Variants in EIF3H observed in about 807,000 individuals in gnomAD.
The protein encoded by EIF3H is eukaryotic translation initiation factor 3 subunit H, also known as eIF-3-gamma.
EIF3H carries 26 observed loss-of-function variants against 44.2 expected under a neutral mutation model. The observed-to-expected ratio is 0.59, with a 90% CI of 0.43 to 0.82. The LOEUF (loss-of-function observed/expected upper bound fraction) is 0.82, where lower values mean the gene tolerates loss of function less well. Ranked by LOEUF, EIF3H falls within the 40% of genes least tolerant of loss-of-function variation. The pLI, the probability that EIF3H is intolerant of heterozygous loss-of-function variation, is 0.00. For synonymous variants in EIF3H, 166 were observed against 151.9 expected (o/e 1.09, Z -0.68); for missense variants, 359 against 432.8 (o/e 0.83, Z 1.51).
intron 1 of EIF3H, among the ~76,000 whole-genome samples, chr8:116,729,110 A>G (rs1257089399): frequency 6.6e-6 from 1 of 152,232 alleles, no homozygotes; most frequent in East Asian, 1.9e-4. Flanking sequence ...TAGGTTACCT[A>G]GATTCCTTTA....
rs528753672 is a variant in EIF3H at position 116,690,653 on chromosome 8, A to G, written c.290-31673T>C. On this transcript the variant is annotated intron_variant, in intron 2 of 7. Transcript: ENST00000521861. ...GCACAGAATGTACTAATCCTTGTAG[A>G]CTGCTATAACATTACTTTGATCCTA... Among the ~76,000 whole-genome samples, 11 of 152,324 alleles carry G rather than the reference A, an allele frequency of 7.2e-5. No homozygotes were observed. The South Asian group carries it at 2.3e-3, about 32-fold the overall frequency.
intron 2 of EIF3H, among the ~76,000 whole-genome samples, chr8:116,711,151 T>C (rs1356808801): frequency 6.6e-6 from 1 of 152,116 alleles, no homozygotes; most frequent in Non-Finnish European, 1.5e-5. Context: ...TAGACAGAAA[T>C]GTAAATCTGG....
At position 116,752,782 on chromosome 8, in the gene EIF3H, AGGGAG is replaced by A. The variant is rs1563663215; in HGVS notation, c.132+2879_132+2883del. On this transcript the variant is annotated intron_variant, in intron 1 of 7. Transcript: ENST00000521861. ...GAGGGAGGGAGGGAGGGAGGGAGGG[AGGGAG>A]GGAGGGAGGGAAGGAAGGAAGGAAG... Among the ~76,000 whole-genome samples, 436 of 60,078 alleles carry A rather than the reference AGGGAG, an allele frequency of 7.3e-3. 19 individuals carry two copies. Among genetic ancestry groups the A allele is most frequent in the African/African-American group, 0.02 (367 of 18,404 alleles). The allele number at this position is 60,078 out of a possible 152,430, so 39.4% of individuals were successfully genotyped here.
intron 2 of EIF3H, among the ~76,000 whole-genome samples, chr8:116,682,724 CT>C (rs1586454149): frequency 6.6e-6 from 1 of 152,266 alleles, no homozygotes; most frequent in East Asian, 1.9e-4. Context: ...GCTACTTAAG[CT>C]GAGAATGTTT....
intron 2 of EIF3H, among the ~76,000 whole-genome samples, chr8:116,680,797 TGC>T (rs1813971808): frequency 7.0e-6 from 1 of 143,794 alleles, no homozygotes; most frequent in South Asian, 2.3e-4. Flanking sequence ...AATCCCCCTC[TGC>T]GAGAAACACC....
intron 1 of EIF3H, among the ~76,000 whole-genome samples, chr8:116,749,561 C>T (rs772413895): frequency 4.6e-5 from 7 of 152,126 alleles, no homozygotes; most frequent in Non-Finnish European, 8.8e-5. Flanking sequence ...AAAAGTTTAA[C>T]GGGAAGAATT....
chr8:116,722,980 C>G, intron 2 of EIF3H, among the ~76,000 whole-genome samples: 1 of 152,270 alleles, frequency 6.6e-6, no homozygotes, highest in East Asian at 1.9e-4. Context: ...AATTCAAGTA[C>G]TTCAAGCTCG....
At chr8:116,730,572 C>T (rs1000324753) in intron 1 of EIF3H, among the ~76,000 whole-genome samples, 13 of 152,158 alleles carry the variant, frequency 8.5e-5, no homozygotes, top group African/African-American at 2.4e-4. Flanking sequence ...AAATGACATA[C>T]ATACTTCTGC....
intron 1 of EIF3H, among the ~76,000 whole-genome samples, chr8:116,730,787 A>T (rs936174609): frequency 9.2e-5 from 14 of 152,206 alleles, no homozygotes; most frequent in African/African-American, 3.4e-4. Flanking sequence ...CTCAAAATAT[A>T]TTTTGCTGAA....
chr8:116,688,846 A>G (rs930032141), intron 2 of EIF3H, among the ~76,000 whole-genome samples: 2 of 152,210 alleles, frequency 1.3e-5, no homozygotes, highest in African/African-American at 4.8e-5. Flanking sequence ...CTTGATTTAA[A>G]AAATAATAGA....
At chr8:116,687,413 T>C (rs1213368639) in intron 2 of EIF3H, among the ~76,000 whole-genome samples, 1 of 152,170 alleles carries the variant, frequency 6.6e-6, no homozygotes, top group Non-Finnish European at 1.5e-5. Flanking sequence ...CTGAAACTTT[T>C]GGAGCTTCAG....
At chr8:116,752,934 C>G (rs1036228715) in intron 1 of EIF3H, among the ~76,000 whole-genome samples, 5 of 151,912 alleles carry the variant, frequency 3.3e-5, no homozygotes, top group African/African-American at 1.2e-4. Flanking sequence ...TACCTATCAT[C>G]CATGTGGAGA....
At chr8:116,646,987 C>T (rs559823316) in intron 6 of EIF3H, among the ~76,000 whole-genome samples, 13 of 152,126 alleles carry the variant, frequency 8.5e-5, no homozygotes, top group Non-Finnish European at 1.6e-4. Flanking sequence ...TAATGAACTA[C>T]CACACTGGAA....
intron 1 of EIF3H, among the ~76,000 whole-genome samples, chr8:116,747,064 G>A (rs904558684): frequency 4.1e-5 from 6 of 147,352 alleles, no homozygotes; most frequent in African/African-American, 1.5e-4. Flanking sequence ...ATGTTTTTTT[G>A]TTTTTTTGTT....
chr8:116,660,769 TGATACCAGACACCAGACACCA>T (rs965360517), intron 2 of EIF3H, among the ~76,000 whole-genome samples: 9 of 152,132 alleles, frequency 5.9e-5, no homozygotes, highest in Admixed American at 1.3e-4. Context: ...GGGGAGAAGG[TGATACCAGACACCAGACACCA>T]GATACCAGAC....
intron 1 of EIF3H, among the ~76,000 whole-genome samples, chr8:116,735,281 G>C (rs984815551): frequency 6.6e-6 from 1 of 152,148 alleles, no homozygotes; most frequent in Non-Finnish European, 1.5e-5. Flanking sequence ...GCTGAGCCAC[G>C]AAAGTAGAAA....
chr8:116,674,665 C>CT (rs1303461230), intron 2 of EIF3H, among the ~76,000 whole-genome samples: 1 of 152,088 alleles, frequency 6.6e-6, no homozygotes, highest in Non-Finnish European at 1.5e-5. Context: ...AAAATAAGTG[C>CT]TTTTGTGTAT....
intron 1 of EIF3H, among the ~76,000 whole-genome samples, chr8:116,740,097 T>C (rs1325691002): frequency 6.6e-6 from 1 of 152,266 alleles, no homozygotes; most frequent in Non-Finnish European, 1.5e-5. Flanking sequence ...GTGTTTATAC[T>C]GTGCAGACCA....
At chr8:116,720,897 T>C (rs529579557) in intron 2 of EIF3H, among the ~76,000 whole-genome samples, 1 of 152,280 alleles carries the variant, frequency 6.6e-6, no homozygotes, top group Non-Finnish European at 1.5e-5. Flanking sequence ...TGGGTGCTGT[T>C]AAAATCATTC....
Sources: gnomAD v4.1 joint callset for allele counts (sites outside exome capture counted in the v4.1 genomes callset) on GRCh38, gnomAD v4.1.1 for gene constraint, MANE v1.5 for transcripts, NCBI Gene and HGNC (gene_info 2026-07-23, HGNC 2026-07-21) for gene names.